Variants in GALNS observed in about 807,000 individuals in gnomAD.
GALNS encodes the protein galactosamine (N-acetyl)-6-sulfatase.
A neutral mutation model predicts 65.9 loss-of-function variants in GALNS; 65 were observed. The ratio of observed to expected loss-of-function variants is 0.99; its 90% confidence interval spans 0.81 to 1.21. The LOEUF is 1.21. Among genes scored for constraint, GALNS ranks in the 50% most tolerant of loss-of-function variants. The pLI is 0.00. For synonymous variants in GALNS, 346 were observed against 288.9 expected, an observed-to-expected ratio of 1.20 and a Z score of -2.00; for missense variants, 776 against 700.7, an observed-to-expected ratio of 1.11 and a Z score of -1.21.
chr16:88,856,246 G>T (rs541816113), intron 1 of GALNS: 34 of 702,698 alleles, frequency 4.8e-5, no homozygotes, highest in African/African-American at 4.4e-4. Flanking sequence ...ACAGCCGTCA[G>T]GTAAGACTGG....
At chr16:88,815,229 G>A (rs1909499491) in intron 13 of GALNS, 26 of 985,434 alleles carry the variant, frequency 2.6e-5, no homozygotes, top group Non-Finnish European at 3.0e-5. Context: ...GAACTTGGTG[G>A]GGAGGTCCCG....
rs1005475032 is a variant in GALNS, at chr16:88,839,705, G to A, written c.422+1287C>T. ...GCCATCCAGCCACTGCACCATGTGC[G>A]GGAGGAGCCTGGGGCTCTGAGGTCT... is the stretch of plus-strand genomic sequence containing the variant. On this transcript the variant is annotated intron_variant, in intron 4 of 13. Transcript: ENST00000268695. Among the ~76,000 whole-genome samples, 51 of 152,352 alleles carry A rather than the reference G, an allele frequency of 3.3e-4. 1 individual carries two copies. The highest frequency in any genetic ancestry group is 1.1e-3 in the African/African-American group (46 of 41,580).
In GALNS at chr16:88,832,075, C is replaced by G; in HGVS notation, c.925G>C (p.Gly309Arg). ...CCTCCTTCAAACGTGGTCTGCTTCC[C>G]ACACAGAAAGGGGCCGTTGCTGCCA... ...QGGSNGPFLC[G>R]KQTTFEGGMR... The change falls in exon 9 of 14, where the codon GGG becomes CGG. Residue 309 changes from glycine to arginine, a missense_variant. Coordinates refer to ENST00000268695, the MANE Select transcript of GALNS (RefSeq NM_000512.5). 2 of 1,613,900 alleles carry G rather than the reference C, an allele frequency of 1.2e-6. No individual in the cohort carries two copies. The highest frequency in any genetic ancestry group is 1.7e-6 in the Non-Finnish European group (2 of 1,179,928).
rs1008837946 is a variant in GALNS, at chr16:88,822,467, A to T, written c.1364+122T>A. ...AGCACGTGTGGGTATGAATAGCAACAGCAGATGCAGGCAAGGGGAGGCGGC... is the reference window on the plus strand; with the variant it reads ...AGCACGTGTGGGTATGAATAGCAACTGCAGATGCAGGCAAGGGGAGGCGGC... On this transcript the variant is annotated intron_variant, in intron 12 of 13. Coordinates refer to ENST00000268695, the MANE Select transcript of GALNS (RefSeq NM_000512.5). The T allele has an allele frequency of 9.8e-6, 13 of 1,324,966 alleles. No homozygotes were observed. In the African/African-American group the frequency reaches 1.9e-4, roughly 19 times the overall value. 82.1% of individuals were successfully genotyped at this position (1,324,966 alleles called of 1,614,324 possible).
At chr16:88,839,571 AG>A (rs1966877619) in intron 4 of GALNS, among the ~76,000 whole-genome samples, 2 of 152,228 alleles carry the variant, frequency 1.3e-5, no homozygotes, top group African/African-American at 4.8e-5. Flanking sequence ...GAGGGGCCTC[AG>A]GGAAGTCTGA....
chr16:88,817,699 C>A (rs563378296), intron 13 of GALNS, among the ~76,000 whole-genome samples: 2 of 152,194 alleles, frequency 1.3e-5, no homozygotes, highest in Non-Finnish European at 2.9e-5. Context: ...CCCTCAGTGA[C>A]TTGTGGGGGG....
chr16:88,842,774 A>T lies in GALNS; in HGVS notation c.176T>A (p.Leu59Ter). ...YGEPSRETPN[L>*]DRMAAEGLLF... ...CAGCCCTTCTGCAGCCATCCGGTCC[A>T]AATTCGGGGTCTCTCTGGAGGGCTC... The change falls in exon 2 of 14, where the codon TTG (leucine) becomes TAG (stop). Residue 59 changes from leucine to a stop codon, truncating the protein, a stop_gained. Transcript: ENST00000268695. LOFTEE classifies it high-confidence loss of function. 2 of 1,613,352 alleles carry T rather than the reference A, an allele frequency of 1.2e-6. No individual in the cohort carries two copies. The highest frequency in any genetic ancestry group is 1.7e-6 in the Non-Finnish European group (2 of 1,179,900).
At chr16:88,822,547 C>T (rs1034716081) in intron 12 of GALNS, 42 bp downstream of exon 12, 1 of 1,610,692 alleles carries the variant, frequency 6.2e-7, no homozygotes, top group Non-Finnish European at 8.5e-7. Context: ...GGGAGTCCGG[C>T]TGGCACTGCC....
chr16:88,836,173 A>C, intron 6 of GALNS, 28 bp downstream of exon 6: 1 of 1,584,370 alleles, frequency 6.3e-7, no homozygotes, highest in Non-Finnish European at 8.6e-7. Flanking sequence ...TGCGTCCCAC[A>C]GGGCGAGGAT....
chr16:88,815,272 G>A, intron 13 of GALNS: 1 of 985,484 alleles, frequency 1.0e-6, no homozygotes, highest in Non-Finnish European at 1.2e-6. Context: ...AGTGGCTGAG[G>A]GCCTCCGAGG....
chr16:88,834,460 C>CT, intron 8 of GALNS, among the ~76,000 whole-genome samples: 1 of 39,878 alleles, frequency 2.5e-5, no homozygotes, highest in African/African-American at 1.0e-4. Context: ...GGCTGTAGGG[C>CT]CCCCCCCGTG....
At chr16:88,846,305 G>A (rs552046461) in intron 1 of GALNS, among the ~76,000 whole-genome samples, 67 of 152,102 alleles carry the variant, frequency 4.4e-4, no homozygotes, top group Non-Finnish European at 7.9e-4. Flanking sequence ...ACACACTGCA[G>A]TCCTTATAGG....
chr16:88,846,536 G>C (rs1230315707), intron 1 of GALNS, among the ~76,000 whole-genome samples: 1 of 112,004 alleles, frequency 8.9e-6, no homozygotes, highest in East Asian at 2.9e-4. Flanking sequence ...TTTTTTTTGA[G>C]ACGAAGTCTT....
intron 12 of GALNS, among the ~76,000 whole-genome samples, chr16:88,820,930 G>A (rs1056621517): frequency 6.6e-6 from 1 of 152,162 alleles, no homozygotes; most frequent in Non-Finnish European, 1.5e-5. Flanking sequence ...CCCCTGGGAC[G>A]GCGCTTCCAG....
intron 13 of GALNS, chr16:88,815,486 C>T (rs1337190071): frequency 2.2e-5 from 22 of 985,378 alleles, no homozygotes; most frequent in Non-Finnish European, 2.7e-5. Flanking sequence ...GTGGACCTCA[C>T]AGTGCAGCCT....
chr16:88,815,606 T>C (rs1201742494), intron 13 of GALNS: 21 of 985,366 alleles, frequency 2.1e-5, no homozygotes, highest in Non-Finnish European at 2.5e-5. Flanking sequence ...AGTTTGGTTC[T>C]GTGTCCCCAT....
At chr16:88,815,433 C>A (rs551750566) in intron 13 of GALNS, 1 of 985,482 alleles carries the variant, frequency 1.0e-6, no homozygotes, top group Non-Finnish European at 1.2e-6. Flanking sequence ...CAGTTCAGTG[C>A]GGTGCTGAGC....
At chr16:88,820,986 G>C (rs897779632) in intron 12 of GALNS, among the ~76,000 whole-genome samples, 1 of 152,114 alleles carries the variant, frequency 6.6e-6, no homozygotes, top group Non-Finnish European at 1.5e-5. Context: ...GGCACAGGGG[G>C]CTCCCAGACA....
intron 1 of GALNS, among the ~76,000 whole-genome samples, chr16:88,846,534 G>A (rs1294976884): frequency 4.6e-5 from 1 of 21,530 alleles, no homozygotes; most frequent in African/African-American, 1.8e-4. Context: ...TTTTTTTTTT[G>A]AGACGAAGTC....
Sources: gnomAD v4.1 joint callset for allele counts (sites outside exome capture counted in the v4.1 genomes callset) on GRCh38, gnomAD v4.1.1 for gene constraint, MANE v1.5 for transcripts, NCBI Gene and HGNC (gene_info 2026-07-23, HGNC 2026-07-21) for gene names.